The following EPB41L3 variants were observed in gnomAD, a reference collection of about 807,000 sequenced individuals.
The protein encoded by EPB41L3 is erythrocyte membrane protein band 4.1 like 3.
In EPB41L3, 57 loss-of-function variants were observed where a neutral mutation model predicts 127.1. That is an observed-to-expected ratio of 0.45 (90% confidence interval 0.36 to 0.56). The LOEUF is 0.56. EPB41L3 is among the 20% of genes least tolerant of loss of function. The probability of loss-of-function intolerance (pLI) is 0.00; values close to 1 mark genes in which losing one functional copy is unlikely to be tolerated. For missense variants in EPB41L3, 1,273 were observed against 1,372.2 expected (o/e 0.93, Z 1.14); for synonymous variants, 572 against 549.5 (o/e 1.04, Z -0.57).
At chr18:5,597,609 T>C (rs540349791) in intron 3 of EPB41L3, among the ~76,000 whole-genome samples, 4 of 152,300 alleles carry the variant, frequency 2.6e-5, no homozygotes, top group African/African-American at 7.2e-5. Flanking sequence ...CCACCTTTGT[T>C]CTATTTTGTT....
At position 5,543,238 on chromosome 18, in the gene EPB41L3, G is replaced by A. The variant is rs930701504; in HGVS notation, c.-12+675C>T. 5 of 151,222 alleles carry A rather than the reference G, an allele frequency of 3.3e-5. No homozygotes were observed. Among genetic ancestry groups the A allele is most frequent in the African/African-American group, 1.2e-4 (5 of 41,330 alleles). The allele number at this position is 151,222 out of a possible 1,614,324, so 9.4% of individuals were successfully genotyped here. Reference sequence around the variant, plus strand: ...CCACCGGCCGGGGGCCGCTGCCCCAGTTTGGGGAACGAGGCAAGTTATATA... The same window carrying A: ...CCACCGGCCGGGGGCCGCTGCCCCAATTTGGGGAACGAGGCAAGTTATATA... On this transcript the variant is annotated intron_variant, in intron 1 of 22. Coordinates refer to ENST00000341928, the MANE Select transcript of EPB41L3 (RefSeq NM_012307.5). The surrounding 1 kb of genome is among the most constrained non-coding windows in gnomAD (Gnocchi z 5.2).
intron 12 of EPB41L3, among the ~76,000 whole-genome samples, chr18:5,417,541 C>CGT (rs61551771): frequency 0.051 from 7,763 of 152,162 alleles, 299 homozygotes; most frequent in African/African-American, 0.11. Flanking sequence ...TGTGTCACTG[C>CGT]GTGTGTGTAT....
intron 13 of EPB41L3, among the ~76,000 whole-genome samples, chr18:5,415,464 A>G (rs2076680396): frequency 6.6e-6 from 1 of 152,210 alleles, no homozygotes; most frequent in Non-Finnish European, 1.5e-5. Flanking sequence ...TCTGTCTTAT[A>G]TGTGATTTAC....
intron 9 of EPB41L3, among the ~76,000 whole-genome samples, chr18:5,425,916 C>T (rs2078112206): frequency 6.6e-6 from 1 of 152,160 alleles, no homozygotes; most frequent in African/African-American, 2.4e-5. Flanking sequence ...GAAATGTCAT[C>T]ATGGGGCCTG....
At chr18:5,466,589 G>C (rs1320144638) in intron 3 of EPB41L3, among the ~76,000 whole-genome samples, 1 of 152,186 alleles carries the variant, frequency 6.6e-6, no homozygotes, top group Non-Finnish European at 1.5e-5. Context: ...GGCTGAACTA[G>C]ACTTTGTGTT....
At chr18:5,600,742 C>T (rs2094581993) in intron 3 of EPB41L3, among the ~76,000 whole-genome samples, 1 of 151,994 alleles carries the variant, frequency 6.6e-6, no homozygotes, top group Non-Finnish European at 1.5e-5. Context: ...TCATTAAAAC[C>T]ATTAAAATGA....
intron 1 of EPB41L3, among the ~76,000 whole-genome samples, chr18:5,503,959 T>C (rs1299378618): frequency 1.3e-5 from 2 of 152,240 alleles, no homozygotes; most frequent in Non-Finnish European, 2.9e-5. Context: ...GGTAATCATA[T>C]GTGGTAAGGA....
intron 1 of EPB41L3, among the ~76,000 whole-genome samples, chr18:5,516,107 C>T (rs1719945): frequency 0.21 from 31,985 of 152,074 alleles, 3,767 homozygotes; most frequent in African/African-American, 0.31. Context: ...GCCCAGGTGC[C>T]GCAGATGCCC....
rs746760968 is a variant in EPB41L3, at chr18:5,416,389, A to T, written c.1507-11T>A. ...GCCAAGCCCAGGTGACTGATGTGAAAGAGACAGAAAGAGACAGAAAGCAGC... is the reference window on the plus strand; with the variant it reads ...GCCAAGCCCAGGTGACTGATGTGAATGAGACAGAAAGAGACAGAAAGCAGC... On this transcript the variant is annotated splice_polypyrimidine_tract_variant and intron_variant, in intron 12 of 22. Coordinates refer to ENST00000341928, the MANE Select transcript of EPB41L3 (RefSeq NM_012307.5). 8 of 1,587,216 alleles carry T rather than the reference A, an allele frequency of 5.0e-6. No homozygotes were observed. In the South Asian group the frequency reaches 9.1e-5, roughly 18 times the overall value.
upstream of EPB41L3, chr18:5,630,231 C>T (rs1473383650): frequency 8.1e-6 from 3 of 372,566 alleles, no homozygotes; most frequent in Non-Finnish European, 1.0e-5. Context: ...CAGGCAGCCC[C>T]CGGTCGGGCC....
chr18:5,450,546 T>C (rs966311214), intron 3 of EPB41L3, among the ~76,000 whole-genome samples: 2 of 151,928 alleles, frequency 1.3e-5, no homozygotes, highest in African/African-American at 4.8e-5. Context: ...AACCTAAAAC[T>C]GCTCCAAAAA....
chr18:5,422,748 A>T (rs1352212552), intron 11 of EPB41L3, among the ~76,000 whole-genome samples: 1 of 152,168 alleles, frequency 6.6e-6, no homozygotes, highest in East Asian at 1.9e-4. Context: ...GTTATCCCCT[A>T]AAAAGGTAGT....
At chr18:5,511,414 T>TTTTTTTTTA (rs2092513796) in intron 1 of EPB41L3, among the ~76,000 whole-genome samples, 1 of 142,066 alleles carries the variant, frequency 7.0e-6, no homozygotes, top group Non-Finnish European at 1.5e-5. Context: ...TTTTTTTTTT[T>TTTTTTTTTA]TTTTTTTTGT....
chr18:5,522,424 G>A (rs1719951), intron 1 of EPB41L3, among the ~76,000 whole-genome samples: 57 of 151,846 alleles, frequency 3.8e-4, no homozygotes, highest in African/African-American at 1.2e-3. Context: ...AAGCCTGGCC[G>A]CCAAATCTAT....
intron 3 of EPB41L3, among the ~76,000 whole-genome samples, chr18:5,458,953 G>T (rs2083522092): frequency 6.6e-6 from 1 of 151,982 alleles, no homozygotes; most frequent in Admixed American, 6.6e-5. Flanking sequence ...TACAGTTTTG[G>T]GATCTTGAGT....
At chr18:5,477,473 T>C (rs1486812726) in intron 3 of EPB41L3, among the ~76,000 whole-genome samples, 2 of 152,154 alleles carry the variant, frequency 1.3e-5, no homozygotes, top group African/African-American at 2.4e-5. Context: ...AATGAAGACA[T>C]GGCATCTGAA....
chr18:5,625,383 C>T (rs966438855), intron 1 of EPB41L3, among the ~76,000 whole-genome samples: 1 of 152,036 alleles, frequency 6.6e-6, no homozygotes, highest in South Asian at 2.1e-4. Context: ...CTGACGTTTC[C>T]GTGGTGTGTG....
In EPB41L3 at chr18:5,428,320, G is replaced by T. The variant is rs2078516517; in HGVS notation, c.1058C>A (p.Pro353Gln). 6.2e-7 allele frequency: 1 copy of T among 1,613,920 alleles called. No homozygotes were observed. Among genetic ancestry groups the T allele is most frequent in the African/African-American group, 1.3e-5 (1 of 74,886 alleles). ...AAATGTGGGTATACTTACCTCTCCC[G>T]GCCGGATCTTAATGTAAAAGTTGTT... ...KRNNFYIKIRPGEFEQFESTI... is the reference protein window; with the variant it reads ...KRNNFYIKIRQGEFEQFESTI... Residue 353 changes from proline (P) to glutamine (Q), a missense_variant, in exon 9 of 23, where the codon CCG (proline) becomes CAG (glutamine). Pro to Gln is a moderately conservative substitution (Grantham distance 76). Around this residue, in one of 3 missense-constraint regions of EPB41L3, gnomAD observed 326 missense variants for 440.2 expected, o/e 0.74. Coordinates refer to ENST00000341928, the MANE Select transcript of EPB41L3 (RefSeq NM_012307.5).
chr18:5,423,398 A>G lies in EPB41L3; in HGVS notation c.1319T>C (p.Met440Thr). 1 of 1,607,176 alleles carries G rather than the reference A, an allele frequency of 6.2e-7. No individual in the cohort carries two copies. Among genetic ancestry groups the G allele is most frequent in the Non-Finnish European group, 8.5e-7 (1 of 1,174,810 alleles). Residue 440 changes from methionine (M) to threonine (T), a missense_variant, in exon 11 of 23, where the codon ATG becomes ACG. By Grantham distance (81) the Met-to-Thr change is moderately conservative (BLOSUM62 -1). Coordinates refer to ENST00000341928, the MANE Select transcript of EPB41L3 (RefSeq NM_012307.5). ...CCTACCTCCATCCAAGCTGCGAGAC[A>G]TGGTATAACGTTTGCTGGATGAGCG... is the stretch of plus-strand genomic sequence containing the variant. ...FERSSSKRYT[M>T]SRSLDGEVGT...
Sources: gnomAD v4.1 joint callset for allele counts (sites outside exome capture counted in the v4.1 genomes callset) on GRCh38, gnomAD v4.1.1 for gene constraint, gnomAD v4.1.1 regional missense constraint, Gnocchi (gnomAD v3.1) non-coding constraint, MANE v1.5 for transcripts, NCBI Gene and HGNC (gene_info 2026-07-23, HGNC 2026-07-21) for gene names.